The following SORCS2 variants were observed in gnomAD, a reference collection of about 807,000 sequenced individuals.
SORCS2 encodes the protein sortilin related VPS10 domain containing receptor 2.
SORCS2 carries 100 observed loss-of-function variants against 141.6 expected under a neutral mutation model. The ratio of observed to expected loss-of-function variants is 0.71; its 90% CI spans 0.60 to 0.83. The LOEUF (loss-of-function observed/expected upper bound fraction) is 0.83, where lower values mean the gene tolerates loss of function less well. Ranked by LOEUF, SORCS2 falls within the 40% of genes least tolerant of loss-of-function variation. The pLI is 0.00. For missense variants in SORCS2, 1,646 were observed against 1,560.2 expected (o/e 1.05, Z -0.93); for synonymous variants, 789 against 676.9 (o/e 1.17, Z -2.57).
intron 2 of SORCS2, among the ~76,000 whole-genome samples, chr4:7,444,578 G>T (rs1024657406): frequency 6.6e-6 from 1 of 152,214 alleles, no homozygotes; most frequent in Non-Finnish European, 1.5e-5. Context: ...AGCAGAAGGC[G>T]CCACGGTCAG....
chr4:7,367,772 C>T lies in SORCS2; in HGVS notation c.481-28516C>T, dbSNP rs376014623. 7.3e-4 allele frequency among the ~76,000 whole-genome samples: 111 copies of T among 152,274 alleles called. No individual in the cohort carries two copies. In the South Asian group the frequency reaches 0.021, roughly 29 times the overall value. ...CACGCAGTTTATTTTTAAATAAACT[C>T]GGGGAAGTGGGCAAACAAAAAGAGA... On this transcript the variant is annotated intron_variant, in intron 1 of 26. Coordinates refer to ENST00000507866, the MANE Select transcript of SORCS2 (RefSeq NM_020777.3).
At chr4:7,632,201 A>G (rs1719938728) in intron 3 of SORCS2, among the ~76,000 whole-genome samples, 1 of 152,214 alleles carries the variant, frequency 6.6e-6, no homozygotes, top group African/African-American at 2.4e-5. Context: ...CGTTTCTCAG[A>G]ATTAGGCTTC....
At chr4:7,697,147 G>A (rs370307952) in intron 11 of SORCS2, 51 bp from the exon 12 acceptor site, 9 of 1,489,796 alleles carry the variant, frequency 6.0e-6, no homozygotes, top group African/African-American at 1.4e-5. Context: ...TGTTAAAGGG[G>A]TAAAGCTGGA....
chr4:7,255,355 G>A (rs772251085), intron 1 of SORCS2, among the ~76,000 whole-genome samples: 2 of 152,124 alleles, frequency 1.3e-5, no homozygotes, highest in Non-Finnish European at 1.5e-5. Flanking sequence ...ATATTGTGCC[G>A]TAGTTCCTGG....
intron 8 of SORCS2, among the ~76,000 whole-genome samples, chr4:7,670,474 T>C (rs1413495091): frequency 6.6e-6 from 1 of 152,210 alleles, no homozygotes; most frequent in African/African-American, 2.4e-5. Context: ...GTATTTGCCA[T>C]AAATGTATTT....
chr4:7,497,899 T>G (rs1448555786), intron 2 of SORCS2, among the ~76,000 whole-genome samples: 2 of 152,216 alleles, frequency 1.3e-5, no homozygotes, highest in Non-Finnish European at 1.5e-5. Context: ...ACGTGCATAG[T>G]GGAAGGAACG....
chr4:7,596,097 TTG>T (rs1213566968), intron 3 of SORCS2, among the ~76,000 whole-genome samples: 1 of 152,232 alleles, frequency 6.6e-6, no homozygotes, highest in Non-Finnish European at 1.5e-5. Flanking sequence ...CAGCATCCTG[TTG>T]TGTCTTTGGA....
intron 3 of SORCS2, among the ~76,000 whole-genome samples, chr4:7,538,161 A>G (rs894229275): frequency 6.6e-5 from 10 of 152,210 alleles, no homozygotes; most frequent in African/African-American, 2.2e-4. Flanking sequence ...CGTGAATACT[A>G]TTAGGACTCC....
At chr4:7,571,852 C>T (rs1715420172) in intron 3 of SORCS2, among the ~76,000 whole-genome samples, 2 of 152,220 alleles carry the variant, frequency 1.3e-5, no homozygotes, top group East Asian at 1.9e-4. Flanking sequence ...ACAAGTCCAG[C>T]TCGTTAGCTT....
At chr4:7,315,675 C>T (rs900051289) in intron 1 of SORCS2, among the ~76,000 whole-genome samples, 5 of 152,208 alleles carry the variant, frequency 3.3e-5, no homozygotes, top group Non-Finnish European at 7.3e-5. Flanking sequence ...AAGGACAGCC[C>T]AAATGTCACC....
chr4:7,739,848 C>T (rs1012480242), intron 26 of SORCS2, among the ~76,000 whole-genome samples: 13 of 152,186 alleles, frequency 8.5e-5, no homozygotes, highest in Admixed American at 5.9e-4. Flanking sequence ...CGCCCTGCAG[C>T]GCCCACTGCC....
At chr4:7,685,709 C>T (rs1368665645) in intron 10 of SORCS2, among the ~76,000 whole-genome samples, 1 of 147,900 alleles carries the variant, frequency 6.8e-6, no homozygotes, top group Non-Finnish European at 1.5e-5. Context: ...ATATGACAGC[C>T]GTATGGCTCA....
At chr4:7,206,528 C>T (rs1727752302) in intron 1 of SORCS2, among the ~76,000 whole-genome samples, 1 of 152,194 alleles carries the variant, frequency 6.6e-6, no homozygotes, top group African/African-American at 2.4e-5. Flanking sequence ...ACTAATTAAT[C>T]TCCACCCCGT....
intron 1 of SORCS2, among the ~76,000 whole-genome samples, chr4:7,299,170 G>A (rs1182173827): frequency 6.6e-6 from 1 of 152,232 alleles, no homozygotes; most frequent in Non-Finnish European, 1.5e-5. Flanking sequence ...TTTGCAGTCA[G>A]GGCGGCCTGT....
intron 26 of SORCS2, among the ~76,000 whole-genome samples, chr4:7,738,939 T>C (rs1712427705): frequency 6.6e-6 from 1 of 152,082 alleles, no homozygotes; most frequent in Admixed American, 6.5e-5. Context: ...GTCTCCAGCA[T>C]CGCCAGCCCA....
At chr4:7,449,553 G>T (rs1728308906) in intron 2 of SORCS2, among the ~76,000 whole-genome samples, 1 of 151,214 alleles carries the variant, frequency 6.6e-6, no homozygotes, top group South Asian at 2.1e-4. Flanking sequence ...GCCTGACAGG[G>T]CTTCTGCGAC....
At chr4:7,605,070 A>G (rs1012221384) in intron 3 of SORCS2, among the ~76,000 whole-genome samples, 1 of 152,228 alleles carries the variant, frequency 6.6e-6, no homozygotes, top group Non-Finnish European at 1.5e-5. Flanking sequence ...AGAAATCTGG[A>G]GGAGGTCAGC....
chr4:7,723,989 T>TA lies in SORCS2; in HGVS notation c.2611+107dup, dbSNP rs528886629. On this transcript the variant is annotated intron_variant, in intron 19 of 26. Transcript: ENST00000507866. The stretch of plus-strand genomic sequence containing the variant: ...CCCCGGGATTGCTCTAGGCCCCTGG[T>TA]ACTCAGGACGGTGAACCCGAGGGCA... 1.9e-5 allele frequency: 25 copies of TA among 1,329,264 alleles called. 1 individual carries two copies. The South Asian group carries it at 3.4e-4, about 18-fold the overall frequency. The allele number at this position is 1,329,264 out of a possible 1,614,324, so 82.3% of individuals were successfully genotyped here.
intron 10 of SORCS2, among the ~76,000 whole-genome samples, chr4:7,688,590 A>C (rs1031158735): frequency 6.6e-6 from 1 of 152,214 alleles, no homozygotes; most frequent in Non-Finnish European, 1.5e-5. Flanking sequence ...AGAGAGGCTA[A>C]GCATTTTTCA....
Sources: allele counts gnomAD v4.1 joint callset (sites outside exome capture counted in the v4.1 genomes callset), GRCh38; gene constraint gnomAD v4.1.1; transcripts MANE v1.5; gene names NCBI Gene and HGNC (gene_info 2026-07-23, HGNC 2026-07-21).